Variants in FGF14 observed in about 807,000 individuals in gnomAD.
FGF14 encodes fibroblast growth factor 14.
Under a neutral mutation model 25.5 loss-of-function variants are expected in FGF14, and 5 were observed. The observed-to-expected ratio is 0.20, with a 90% CI of 0.10 to 0.41. FGF14 has a LOEUF of 0.41. FGF14 is among the 10% of genes least tolerant of loss of function. The probability of loss-of-function intolerance (pLI) is 1.00; values close to 1 mark genes in which losing one functional copy is unlikely to be tolerated. For missense variants in FGF14, 222 were observed against 320.1 expected (o/e 0.69, Z 2.34); for synonymous variants, 138 against 118.3 (o/e 1.17, Z -1.08).
In FGF14 at chr13:101,712,060, T is replaced by A. The variant is rs2034494464; in HGVS notation, c.*10771A>T. On this transcript the variant is annotated 3_prime_UTR_variant, in exon 5 of 5. Coordinates refer to ENST00000376143, the MANE Select transcript of FGF14 (RefSeq NM_004115.4). Reference sequence around the variant, plus strand: ...AAGAGAGGCACAATTTGACCCATGTTATGGAAGAAAACAGCTAGAGCGTTC... The same window carrying A: ...AAGAGAGGCACAATTTGACCCATGTAATGGAAGAAAACAGCTAGAGCGTTC... 1 of 152,204 alleles carries A rather than the reference T, an allele frequency of 6.6e-6. No homozygotes were observed. Among genetic ancestry groups the A allele is most frequent in the Non-Finnish European group, 1.5e-5 (1 of 68,060 alleles). The allele number at this position is 152,204 out of a possible 1,614,324, so 9.4% of individuals were successfully genotyped here. A position where few individuals can be genotyped will look rare whatever the true frequency, so the allele number is the denominator to read the frequency against.
At chr13:101,725,785 AC>A (rs2035379191) in intron 4 of FGF14, among the ~76,000 whole-genome samples, 2 of 152,056 alleles carry the variant, frequency 1.3e-5, no homozygotes, top group Admixed American at 1.3e-4. Flanking sequence ...GAATAGAAAC[AC>A]ATGTGAATAT....
intron 1 of FGF14, among the ~76,000 whole-genome samples, chr13:102,310,939 C>G (rs1007513186): frequency 1.3e-5 from 2 of 151,864 alleles, no homozygotes; most frequent in Non-Finnish European, 2.9e-5. Flanking sequence ...AGGGCGTGAC[C>G]TAATTCAAGC....
chr13:101,961,730 G>C lies in FGF14; in HGVS notation c.209-86434C>G, dbSNP rs139993712. On this transcript the variant is annotated intron_variant, in intron 1 of 4. Coordinates refer to the FGF14 transcript ENST00000376131. ...TTTTATGAGGGCCTTTTCCCCTTTT[G>C]CTCAGCACTTCTCCTTGCTGCCACC... Among the ~76,000 whole-genome samples the C allele has an allele frequency of 6.3e-4, 96 of 152,184 alleles. No homozygotes were observed. The East Asian group carries it at 0.017, about 27-fold the overall frequency.
chr13:102,288,531 T>A (rs1334189068), intron 1 of FGF14, among the ~76,000 whole-genome samples: 2 of 152,110 alleles, frequency 1.3e-5, no homozygotes, highest in Non-Finnish European at 1.5e-5. Context: ...TCCTATATTT[T>A]TATATATCTA....
chr13:101,771,350 T>C (rs2038757789), intron 3 of FGF14, among the ~76,000 whole-genome samples: 1 of 138,658 alleles, frequency 7.2e-6, no homozygotes, highest in South Asian at 2.4e-4. Flanking sequence ...AAGGCTTTAA[T>C]CGTCAATGTG....
chr13:101,817,987 C>T (rs1438475769), intron 3 of FGF14, among the ~76,000 whole-genome samples: 2 of 152,238 alleles, frequency 1.3e-5, no homozygotes, highest in East Asian at 3.8e-4. Context: ...TTTTTCTTCA[C>T]TCTCTCAGTT....
intron 1 of FGF14, among the ~76,000 whole-genome samples, chr13:102,124,292 G>A (rs2140377510): frequency 6.6e-6 from 1 of 151,668 alleles, no homozygotes; most frequent in African/African-American, 2.4e-5. Context: ...ACAAAAGGTA[G>A]TATAGGAAAG....
chr13:102,330,084 G>A (rs909813823), intron 1 of FGF14, among the ~76,000 whole-genome samples: 1 of 152,126 alleles, frequency 6.6e-6, no homozygotes, highest in African/African-American at 2.4e-5. Context: ...CAGGCAGGGA[G>A]CCAGCAGAGA....
rs556647274 is a variant in FGF14 at position 102,348,138 on chromosome 13, G to A, written c.208+53333C>T. ...ATGCAAAATAATTCAAATGTCCCCT[G>A]TAGAAAGATGAGTTCCAAGAAATCA... On this transcript the variant is annotated intron_variant, in intron 1 of 4. Coordinates refer to the FGF14 transcript ENST00000376131. Among the ~76,000 whole-genome samples the A allele has an allele frequency of 2.0e-5, 3 of 152,260 alleles. No homozygotes were observed. In the East Asian group the frequency reaches 5.8e-4, roughly 29 times the overall value.
At chr13:101,825,019 T>C (rs1176632581) in intron 3 of FGF14, among the ~76,000 whole-genome samples, 2 of 152,320 alleles carry the variant, frequency 1.3e-5, no homozygotes, top group East Asian at 3.9e-4. Context: ...TTTGTATCCT[T>C]TCATATGTCC....
chr13:102,373,056 C>T (rs1246789478), intron 1 of FGF14, among the ~76,000 whole-genome samples: 1 of 152,118 alleles, frequency 6.6e-6, no homozygotes, highest in African/African-American at 2.4e-5. Context: ...TATATATTGA[C>T]TTTTCGTACC....
chr13:102,207,056 C>T (rs1490848659), intron 1 of FGF14, among the ~76,000 whole-genome samples: 2 of 152,012 alleles, frequency 1.3e-5, no homozygotes, highest in Non-Finnish European at 2.9e-5. Flanking sequence ...CTGAGGTAGG[C>T]AGATCGTGAG....
chr13:102,181,091 C>G lies in FGF14; in HGVS notation c.208+220380G>C, dbSNP rs118090601. ...AGCTCTCTACCTGTTGTTCTTCGAC[C>G]CATCATTGAGAATAATTTCTCCAGA... On this transcript the variant is annotated intron_variant, in intron 1 of 4. Coordinates refer to the FGF14 transcript ENST00000376131. Among the ~76,000 whole-genome samples, 732 of 152,154 alleles carry G rather than the reference C, an allele frequency of 4.8e-3. 6 individuals carry two copies. Among genetic ancestry groups the G allele is most frequent in the Non-Finnish European group, 8.1e-3 (550 of 67,994 alleles).
intron 3 of FGF14, among the ~76,000 whole-genome samples, chr13:101,759,677 T>A (rs1053142201): frequency 3.3e-5 from 5 of 152,198 alleles, no homozygotes; most frequent in African/African-American, 1.2e-4. Context: ...CTTAATCTTT[T>A]GGGCTTCAGT....
At chr13:101,876,357 G>GA (rs1309748262) in intron 1 of FGF14, among the ~76,000 whole-genome samples, 6 of 152,154 alleles carry the variant, frequency 3.9e-5, no homozygotes, top group Admixed American at 2.6e-4. Context: ...ATCCGCTGTC[G>GA]AAACAGTCGG....
rs568897186 is a variant in FGF14 at position 101,955,143 on chromosome 13, G to A, written c.209-79847C>T. 2.0e-5 allele frequency among the ~76,000 whole-genome samples: 3 copies of A among 152,334 alleles called. No individual in the cohort carries two copies. In the South Asian group the frequency reaches 6.2e-4, roughly 32 times the overall value. ...CAGCTGGAGACTGTACGTAGATCTAGCAAGCCAGAATGAGCTATGATCACT... is the reference window on the plus strand; with the variant it reads ...CAGCTGGAGACTGTACGTAGATCTAACAAGCCAGAATGAGCTATGATCACT... On this transcript the variant is annotated intron_variant, in intron 1 of 4. Coordinates refer to the FGF14 transcript ENST00000376131.
intron 1 of FGF14, among the ~76,000 whole-genome samples, chr13:102,257,199 A>C (rs1349288189): frequency 6.6e-6 from 1 of 152,154 alleles, no homozygotes; most frequent in African/African-American, 2.4e-5. Context: ...AAAAACAAAA[A>C]GCATACCTGC....
At chr13:101,825,564 T>C (rs2140256872) in intron 3 of FGF14, among the ~76,000 whole-genome samples, 1 of 152,320 alleles carries the variant, frequency 6.6e-6, no homozygotes, top group East Asian at 1.9e-4. Flanking sequence ...GATAGTATGG[T>C]ATAATACTCA....
chr13:102,313,112 A>G (rs2055853485), intron 1 of FGF14, among the ~76,000 whole-genome samples: 1 of 152,206 alleles, frequency 6.6e-6, no homozygotes, highest in East Asian at 1.9e-4. Flanking sequence ...TTCTCCAGGG[A>G]AAAAGGCAGG....
Sources: gnomAD v4.1 joint callset for allele counts (sites outside exome capture counted in the v4.1 genomes callset) on GRCh38, gnomAD v4.1.1 for gene constraint, MANE v1.5 for transcripts, NCBI Gene and HGNC (gene_info 2026-07-23, HGNC 2026-07-21) for gene names.